DGLUCY: variants seen among roughly 807,000 people sequenced by gnomAD.
The protein encoded by DGLUCY is D-glutamate cyclase.
A neutral mutation model predicts 58.5 loss-of-function variants in DGLUCY; 58 were observed. The observed-to-expected ratio is 0.99, with a 90% CI of 0.80 to 1.23. The LOEUF (loss-of-function observed/expected upper bound fraction) is 1.23. Among genes scored for constraint, DGLUCY ranks in the 50% most tolerant of loss-of-function variants. The probability of loss-of-function intolerance (pLI) is 0.00; values close to 1 mark genes in which losing one functional copy is unlikely to be tolerated. For missense variants in DGLUCY, 779 were observed against 784.7 expected (o/e 0.99, Z 0.09); for synonymous variants, 325 against 314.1 (o/e 1.03, Z -0.37).
At chr14:91,150,656 A>G (rs955094372) in intron 1 of DGLUCY, among the ~76,000 whole-genome samples, 5 of 151,762 alleles carry the variant, frequency 3.3e-5, no homozygotes, top group Admixed American at 2.0e-4. Flanking sequence ...GCACTCCTGG[A>G]CTCAAGGGAT....
intron 1 of DGLUCY, chr14:91,145,209 C>T (rs1395117430): frequency 6.6e-6 from 1 of 152,140 alleles, no homozygotes; most frequent in Non-Finnish European, 1.5e-5. Context: ...CCCTCTCTGC[C>T]CCATTTCACA....
chr14:91,129,436 T>C (rs2045905808), intron 1 of DGLUCY, among the ~76,000 whole-genome samples: 1 of 152,092 alleles, frequency 6.6e-6, no homozygotes, highest in African/African-American at 2.4e-5. Context: ...ATTTTAATGC[T>C]GTATATAAGA....
intron 8 of DGLUCY, among the ~76,000 whole-genome samples, chr14:91,183,494 T>G (rs1323066068): frequency 2.0e-5 from 3 of 152,156 alleles, no homozygotes; most frequent in African/African-American, 7.2e-5. Context: ...ATACCTCAGT[T>G]TCTTCATCAG....
chr14:91,085,623 G>T (rs1459817274), intron 1 of DGLUCY, among the ~76,000 whole-genome samples: 1 of 149,982 alleles, frequency 6.7e-6, no homozygotes, highest in African/African-American at 2.5e-5. Context: ...AGGCTGGAGT[G>T]CAATGGCACG....
At position 91,181,352 on chromosome 14, in the gene DGLUCY, G is replaced by A. The variant is rs1202394246; in HGVS notation, c.897G>A (p.Lys299=). The change falls in exon 8 of 14, where the codon AAG becomes AAA. Residue 299 remains lysine, a synonymous_variant. Coordinates refer to ENST00000256324, the MANE Select transcript of DGLUCY (RefSeq NM_001102368.3). ...TCGCGTCAGTCTCTGCTTCTCAGAA[G>A]ATCAGAGAACTAGAGTCTATGATCG... The part of the protein sequence containing the change: ...YSIASVSASQ[K]IRELESMIGI... The A allele has an allele frequency of 3.1e-6, 5 of 1,614,030 alleles. No homozygotes were observed. In the East Asian group the frequency reaches 8.9e-5, roughly 29 times the overall value.
chr14:91,191,154 A>C (rs776897947), intron 9 of DGLUCY, among the ~76,000 whole-genome samples: 3 of 152,212 alleles, frequency 2.0e-5, no homozygotes, highest in Non-Finnish European at 2.9e-5. Flanking sequence ...TAAGTGACAC[A>C]TGCTACAACT....
chr14:91,147,360 G>A (rs945487142), intron 1 of DGLUCY, among the ~76,000 whole-genome samples: 5 of 152,166 alleles, frequency 3.3e-5, no homozygotes, highest in East Asian at 3.8e-4. Flanking sequence ...CCAGAAAGCC[G>A]AGCAAGGTAG....
At chr14:91,165,246 G>A (rs1187877020) in intron 3 of DGLUCY, 1 of 456,040 alleles carries the variant, frequency 2.2e-6, no homozygotes, top group Non-Finnish European at 4.4e-6. Flanking sequence ...CATCTACACA[G>A]GATTTCATTG....
At chr14:91,151,849 T>G (rs1341627044) in intron 1 of DGLUCY, among the ~76,000 whole-genome samples, 1 of 150,802 alleles carries the variant, frequency 6.6e-6, no homozygotes, top group Non-Finnish European at 1.5e-5. Flanking sequence ...GAGACGGGGT[T>G]TTGCCATGTT....
chr14:91,157,346 C>T (rs1312175137), intron 1 of DGLUCY, among the ~76,000 whole-genome samples: 2 of 152,120 alleles, frequency 1.3e-5, no homozygotes, highest in East Asian at 3.9e-4. Flanking sequence ...TACATAGATT[C>T]ATACATATAG....
chr14:91,126,582 G>A (rs886377976), intron 1 of DGLUCY: 104 of 191,008 alleles, frequency 5.4e-4, no homozygotes, highest in Admixed American at 5.2e-3. Flanking sequence ...GTCAGACCAG[G>A]TGCGGTGGCT....
At chr14:91,187,764 G>A (rs1006713169) in intron 8 of DGLUCY, among the ~76,000 whole-genome samples, 5 of 152,150 alleles carry the variant, frequency 3.3e-5, no homozygotes, top group Admixed American at 6.5e-5. Context: ...GTCCTCCGAG[G>A]ACCCCACAGT....
chr14:91,206,602 C>G (rs1240962556), intron 12 of DGLUCY, among the ~76,000 whole-genome samples: 4 of 151,926 alleles, frequency 2.6e-5, no homozygotes, highest in Non-Finnish European at 4.4e-5. Flanking sequence ...AGAGTGGTCT[C>G]GAACTCCTGA....
intron 1 of DGLUCY, among the ~76,000 whole-genome samples, chr14:91,093,630 C>A (rs557014642): frequency 2.6e-5 from 4 of 152,076 alleles, no homozygotes; most frequent in Non-Finnish European, 5.9e-5. Context: ...CATGGCAAAA[C>A]CCTATCTCTA....
At chr14:91,200,398 C>T (rs1275102610) in intron 11 of DGLUCY, among the ~76,000 whole-genome samples, 1 of 152,102 alleles carries the variant, frequency 6.6e-6, no homozygotes, top group African/African-American at 2.4e-5. Flanking sequence ...AACATCCTCA[C>T]AAGCAAGGGA....
chr14:91,157,755 C>T (rs1277139378), intron 2 of DGLUCY, 65 bp downstream of exon 2: 1 of 152,138 alleles, frequency 6.6e-6, no homozygotes, highest in Admixed American at 6.6e-5. Flanking sequence ...GTGCCTGGCA[C>T]ACTCCCAGCA....
chr14:91,218,413 T>A (rs1886917103), intron 13 of DGLUCY, among the ~76,000 whole-genome samples: 1 of 151,878 alleles, frequency 6.6e-6, no homozygotes, highest in Non-Finnish European at 1.5e-5. Context: ...GATTTTTTTT[T>A]TTTTTCTTGA....
intron 1 of DGLUCY, among the ~76,000 whole-genome samples, chr14:91,081,616 G>T (rs758008872): frequency 1.3e-5 from 2 of 152,192 alleles, no homozygotes; most frequent in Non-Finnish European, 2.9e-5. Context: ...AGCTCTAGGG[G>T]AGACTGCTTC....
intron 1 of DGLUCY, among the ~76,000 whole-genome samples, chr14:91,116,803 G>T (rs57595747): frequency 6.6e-6 from 1 of 152,044 alleles, no homozygotes; most frequent in African/African-American, 2.4e-5. Context: ...AATTAGCTGG[G>T]TGTGGTGGTA....
Sources: gnomAD v4.1 joint callset for allele counts (sites outside exome capture counted in the v4.1 genomes callset) on GRCh38, gnomAD v4.1.1 for gene constraint, MANE v1.5 for transcripts, NCBI Gene and HGNC (gene_info 2026-07-23, HGNC 2026-07-21) for gene names.